ZC3H14: variants seen among roughly 807,000 people sequenced by gnomAD.
ZC3H14 encodes the protein zinc finger CCCH-type containing 14.
In ZC3H14, 31 loss-of-function variants were observed where a neutral mutation model predicts 92.4. That is an observed-to-expected ratio of 0.34 (90% CI 0.25 to 0.45). ZC3H14 has a LOEUF of 0.45. Among genes scored for constraint, ZC3H14 ranks in the 20% least tolerant of loss-of-function variants. The pLI is 1.00. For missense variants in ZC3H14, 781 were observed against 897.3 expected, an observed-to-expected ratio of 0.87 and a Z score of 1.66; for synonymous variants, 321 against 300.9, an observed-to-expected ratio of 1.07 and a Z score of -0.69.
rs1482200249 is a variant in ZC3H14, at chr14:88,625,238, A to G, written c.*13487A>G. 17 of 1,290,082 alleles carry G rather than the reference A, an allele frequency of 1.3e-5. No individual in the cohort carries two copies. Among genetic ancestry groups the G allele is most frequent in the African/African-American group, 6.0e-5 (4 of 67,132 alleles). The allele number at this position is 1,290,082 out of a possible 1,614,324, so 79.9% of individuals were successfully genotyped here. On this transcript the variant is annotated 3_prime_UTR_variant, in exon 17 of 17. Coordinates refer to ENST00000251038, the MANE Select transcript of ZC3H14 (RefSeq NM_024824.5). ...CTGTCTCACCCTTGATACAAAGAGC[A>G]TGCATCGTGTAGTGGCAGCAGCACT...
In ZC3H14 at chr14:88,618,467, AAAACTT is replaced by A. The variant is rs1363914779; in HGVS notation, c.*6719_*6724del. 7 of 1,091,430 alleles carry A rather than the reference AAAACTT, an allele frequency of 6.4e-6. No individual in the cohort carries two copies. Among genetic ancestry groups the A allele is most frequent in the Non-Finnish European group, 9.2e-6 (7 of 760,324 alleles). The allele number at this position is 1,091,430 out of a possible 1,614,324, so 67.6% of individuals were successfully genotyped here. Reference sequence around the variant, plus strand: ...ATTAAGTATGCAAAAGATCACTACAAAAACTTAATAGGAGAAAAGCTCTGATAAGTG... The same window carrying A: ...ATTAAGTATGCAAAAGATCACTACAAAATAGGAGAAAAGCTCTGATAAGTG... On this transcript the variant is annotated 3_prime_UTR_variant, in exon 17 of 17. Coordinates refer to ENST00000251038, the MANE Select transcript of ZC3H14 (RefSeq NM_024824.5).
chr14:88,607,994 C>T (rs566467571), intron 13 of ZC3H14: 4 of 340,608 alleles, frequency 1.2e-5, no homozygotes, highest in South Asian at 8.5e-5. Flanking sequence ...GTACCATCCC[C>T]CATCTCACCC....
intron 9 of ZC3H14, among the ~76,000 whole-genome samples, chr14:88,588,850 T>A (rs1006550990): frequency 2.0e-4 from 31 of 152,210 alleles, no homozygotes; most frequent in African/African-American, 7.2e-4. Flanking sequence ...CTTGACTTGA[T>A]CTTTAGTCTC....
At chr14:88,590,502 T>C (rs2082995009) in intron 9 of ZC3H14, 1 of 152,326 alleles carries the variant, frequency 6.6e-6, no homozygotes, top group South Asian at 2.1e-4. Context: ...TTACTTTGGA[T>C]GTTCTCATAT....
chr14:88,563,506 G>C (rs1595446323), intron 1 of ZC3H14, 145 bp from the exon 2 acceptor site: 1 of 1,514,866 alleles, frequency 6.6e-7, no homozygotes, highest in East Asian at 2.3e-5. Flanking sequence ...CGGGGTGGGG[G>C]GCGGTGCAGG....
At chr14:88,583,061 A>G (rs1595621601) in intron 9 of ZC3H14, among the ~76,000 whole-genome samples, 1 of 131,422 alleles carries the variant, frequency 7.6e-6, no homozygotes, top group Non-Finnish European at 1.7e-5. Flanking sequence ...ACTTAACAAC[A>G]TTATTCTGGC....
Position 88,574,781 on chromosome 14 carries a change from A to G in ZC3H14, c.950A>G (p.Glu317Gly). Reference sequence around the variant, plus strand: ...AATCATGATGGAGAAGAGGAGGAAGAAGATGATGATTACGGGTCTCGAACA... The same window carrying G: ...AATCATGATGGAGAAGAGGAGGAAGGAGATGATGATTACGGGTCTCGAACA... ...KFNHDGEEEE[E>G]DDDYGSRTGS... Residue 317 changes from glutamate to glycine, a missense_variant, in exon 7 of 17, where the codon GAA becomes GGA. By Grantham distance (98) the Glu-to-Gly change is moderately conservative. This residue lies in a region of ZC3H14 where 454 missense variants were observed against 438.5 expected (regional missense o/e 1.04). Transcript: ENST00000251038. 1 of 1,614,194 alleles carries G rather than the reference A, an allele frequency of 6.2e-7. No homozygotes were observed. The highest frequency in any genetic ancestry group is 1.3e-5 in the African/African-American group (1 of 75,056).
At position 88,573,125 on chromosome 14, in the gene ZC3H14, A is replaced by C. The variant is rs2080665962; in HGVS notation, c.861+118A>C. The C allele has an allele frequency of 4.9e-6, 6 of 1,217,404 alleles. No individual in the cohort carries two copies. The South Asian group carries it at 6.3e-5, about 13-fold the overall frequency. 75.4% of individuals were successfully genotyped at this position (1,217,404 alleles called of 1,614,324 possible). On this transcript the variant is annotated intron_variant, in intron 6 of 16. Coordinates refer to ENST00000251038, the MANE Select transcript of ZC3H14 (RefSeq NM_024824.5). ...GCTGGGCACAGTGGCTCACACCTGT[A>C]ATCCCAGGACTTTGGGAGGCCGAGG...
At chr14:88,599,566 C>G (rs1196069010) in intron 10 of ZC3H14, among the ~76,000 whole-genome samples, 2 of 152,166 alleles carry the variant, frequency 1.3e-5, no homozygotes, top group Admixed American at 6.5e-5. Flanking sequence ...TTTCCTCAAC[C>G]CTGGAGCATG....
In ZC3H14 at chr14:88,577,799, A is replaced by T. The variant is rs149811203; in HGVS notation, c.1124-186A>T. Reference sequence around the variant, plus strand: ...TGGCCAGGCTGGTCTCAAACTCCTGACCTCAAGTGATCCACCCACCTTGCC... The same window carrying T: ...TGGCCAGGCTGGTCTCAAACTCCTGTCCTCAAGTGATCCACCCACCTTGCC... On this transcript the variant is annotated intron_variant, in intron 8 of 16. Transcript: ENST00000251038. 6.1e-3 allele frequency among the ~76,000 whole-genome samples: 923 copies of T among 152,154 alleles called. 9 individuals are homozygous for T. Among genetic ancestry groups the T allele is most frequent in the African/African-American group, 0.022 (896 of 41,500 alleles).
In ZC3H14 at chr14:88,617,103, T is replaced by C. The variant is rs1022333812; in HGVS notation, c.*5352T>C. On this transcript the variant is annotated 3_prime_UTR_variant, in exon 17 of 17. Transcript: ENST00000251038. ...TTTGAAGGGTTTCTAGATTAATCTT[T>C]TTAAGATTAAAGTAGTACTTTATGA... 3.2e-5 allele frequency: 13 copies of C among 405,528 alleles called. No individual in the cohort carries two copies. Among genetic ancestry groups the C allele is most frequent in the Middle Eastern group, 6.6e-4 (1 of 1,518 alleles). The allele number at this position is 405,528 out of a possible 1,614,324, so 25.1% of individuals were successfully genotyped here.
Position 88,563,608 on chromosome 14 carries a change from A to G in ZC3H14, c.37-43A>G, listed in dbSNP as rs371595316. On this transcript the variant is annotated intron_variant, in intron 1 of 16. Coordinates refer to ENST00000251038, the MANE Select transcript of ZC3H14 (RefSeq NM_024824.5). ...CTGCAGAGTCCGGTCTTGTTTTCCT[A>G]GAGCCGCCTTTCTCACATGCACGTT... 1.3e-5 allele frequency: 21 copies of G among 1,610,732 alleles called. No homozygotes were observed. In the Admixed American group the frequency reaches 1.7e-4, roughly 13 times the overall value.
chr14:88,606,975 GA>G (rs1469911251), intron 12 of ZC3H14, among the ~76,000 whole-genome samples: 3 of 152,042 alleles, frequency 2.0e-5, no homozygotes, highest in African/African-American at 7.2e-5. Context: ...TTAGTATTGA[GA>G]ATTAGAATTT....
chr14:88,601,964 A>G lies in ZC3H14; in HGVS notation c.1395A>G (p.Arg465=). The change falls in exon 11 of 17, where the codon AGA becomes AGG. Residue 465 remains arginine, a synonymous_variant. Coordinates refer to ENST00000251038, the MANE Select transcript of ZC3H14 (RefSeq NM_024824.5). ...DMESMVHADT[R]SFILKKPKLS... is the part of the protein sequence containing the mutation. ...AATCCATGGTCCATGCAGACACAAG[A>G]TCATTTATTCTGAAGAAGCCAAAGC... 6.2e-7 allele frequency: 1 copy of G among 1,614,142 alleles called. No individual in the cohort carries two copies. Among genetic ancestry groups the G allele is most frequent in the Non-Finnish European group, 8.5e-7 (1 of 1,179,998 alleles).
At chr14:88,610,794 G>C (rs1257399403) in intron 15 of ZC3H14, 40 bp from the exon 16 acceptor site, 2 of 1,566,050 alleles carry the variant, frequency 1.3e-6, no homozygotes, top group Non-Finnish European at 1.8e-6. Flanking sequence ...ACTTATATTA[G>C]CCTTGTGGAT....
At chr14:88,598,017 T>A (rs1373745537) in intron 10 of ZC3H14, among the ~76,000 whole-genome samples, 1 of 152,230 alleles carries the variant, frequency 6.6e-6, no homozygotes, top group South Asian at 2.1e-4. Context: ...TACACAATAC[T>A]CTTTGTTATT....
At chr14:88,571,256 A>T (rs187123774) in intron 4 of ZC3H14, 132 bp downstream of exon 4, 2 of 704,220 alleles carry the variant, frequency 2.8e-6, no homozygotes, top group Admixed American at 3.3e-5. Flanking sequence ...TAGAAAGCAC[A>T]TACTTTTATG....
chr14:88,591,093 A>G (rs2083068071), intron 9 of ZC3H14: 1 of 152,194 alleles, frequency 6.6e-6, no homozygotes, highest in Admixed American at 6.5e-5. Flanking sequence ...ATACCAATAT[A>G]TGTATTTTAC....
Position 88,607,340 on chromosome 14 carries a change from C to T in ZC3H14, c.1845C>T (p.Tyr615=). The change falls in exon 13 of 17, where the codon TAC becomes TAT. Residue 615 remains tyrosine, a synonymous_variant. Coordinates refer to ENST00000251038, the MANE Select transcript of ZC3H14 (RefSeq NM_024824.5). ...PACKNGDECA[Y]HHPISPCKAF... ...GTAAAAATGGGGATGAGTGTGCCTACCATCACCCCATCTCACCCTGCAAGT... is the reference window on the plus strand; with the variant it reads ...GTAAAAATGGGGATGAGTGTGCCTATCATCACCCCATCTCACCCTGCAAGT... The T allele has an allele frequency of 6.2e-7, 1 of 1,613,798 alleles. No individual in the cohort carries two copies. The highest frequency in any genetic ancestry group is 8.5e-7 in the Non-Finnish European group (1 of 1,179,876).
Sources: gnomAD v4.1 joint callset for allele counts (sites outside exome capture counted in the v4.1 genomes callset) on GRCh38, gnomAD v4.1.1 for gene constraint, gnomAD v4.1.1 regional missense constraint, MANE v1.5 for transcripts, NCBI Gene and HGNC (gene_info 2026-07-23, HGNC 2026-07-21) for gene names.